RILPL1: variants seen among roughly 807,000 people sequenced by gnomAD.
RILPL1 encodes the protein Rab interacting lysosomal protein like 1.
In RILPL1, 33 loss-of-function variants were observed where a neutral mutation model predicts 50.3. That is an observed-to-expected ratio of 0.66 (90% CI 0.50 to 0.88). The LOEUF is 0.88. Ranked by LOEUF, RILPL1 falls within the 40% of genes least tolerant of loss-of-function variation. The pLI is 0.00. For missense variants in RILPL1, 418 were observed against 542.5 expected (o/e 0.77, Z 2.28); for synonymous variants, 205 against 228.6 (o/e 0.90, Z 0.93).
chr12:123,504,253 G>A (rs1883595662), intron 2 of RILPL1, among the ~76,000 whole-genome samples: 1 of 152,124 alleles, frequency 6.6e-6, no homozygotes, highest in South Asian at 2.1e-4. Flanking sequence ...CTCAGGACAT[G>A]CAGCCAGATC....
chr12:123,502,551 G>A (rs566299812), intron 2 of RILPL1, among the ~76,000 whole-genome samples: 3 of 152,210 alleles, frequency 2.0e-5, no homozygotes, highest in Non-Finnish European at 1.5e-5. Flanking sequence ...CACCGCAGGC[G>A]GGTGAGGCCC....
chr12:123,507,762 A>G (rs192405047), intron 2 of RILPL1, among the ~76,000 whole-genome samples: 1 of 151,392 alleles, frequency 6.6e-6, no homozygotes, highest in Non-Finnish European at 1.5e-5. Context: ...ACCAACATGG[A>G]GAAACCCCAT....
At chr12:123,472,890 G>T in intron 6 of RILPL1, 1 of 556,670 alleles carries the variant, frequency 1.8e-6, no homozygotes, top group East Asian at 3.1e-5. Context: ...GTACCTTGGA[G>T]GTCACGCGGT....
chr12:123,478,175 T>A (rs960033288), intron 6 of RILPL1, among the ~76,000 whole-genome samples: 7 of 151,126 alleles, frequency 4.6e-5, no homozygotes, highest in African/African-American at 1.2e-4. Flanking sequence ...TAAAAAAAAT[T>A]TTTTTCCTCG....
chr12:123,488,134 C>T (rs1882459560), intron 4 of RILPL1, among the ~76,000 whole-genome samples: 2 of 151,974 alleles, frequency 1.3e-5, no homozygotes, highest in South Asian at 4.2e-4. Context: ...GACGTCCTTC[C>T]CAACCTCAAG....
At chr12:123,503,537 T>C (rs183951737) in intron 2 of RILPL1, among the ~76,000 whole-genome samples, 31 of 152,138 alleles carry the variant, frequency 2.0e-4, no homozygotes, top group African/African-American at 7.2e-4. Flanking sequence ...TTCCAGCTTC[T>C]AGTGGCCACC....
rs193230249 is a variant in RILPL1, at chr12:123,484,219, G to C, written c.1028C>G (p.Pro343Arg). The change falls in exon 6 of 7, where the codon CCG becomes CGG. Residue 343 changes from proline to arginine, a missense_variant. Physicochemically the swap from Pro to Arg is moderately radical, Grantham distance 103. Coordinates refer to ENST00000376874, the MANE Select transcript of RILPL1 (RefSeq NM_178314.5). ...CGACTCCGGCTGGGGGGACGTCCTCGGGTGGGCGATGGGTGGGGGTTGGGG... is the reference window on the plus strand; with the variant it reads ...CGACTCCGGCTGGGGGGACGTCCTCCGGTGGGCGATGGGTGGGGGTTGGGG... The part of the protein sequence containing the change: ...RIPQPPPIAH[P>R]RTSPQPESGI... 3 of 1,612,232 alleles carry C rather than the reference G, an allele frequency of 1.9e-6. No homozygotes were observed.
intron 1 of RILPL1, among the ~76,000 whole-genome samples, chr12:123,524,732 G>A (rs1885189188): frequency 1.3e-5 from 2 of 152,226 alleles, no homozygotes; most frequent in Admixed American, 1.3e-4. Context: ...AATCCATAGA[G>A]ATAGGAAGCA....
At chr12:123,476,061 C>T (rs533016390) in intron 6 of RILPL1, 17 of 255,446 alleles carry the variant, frequency 6.7e-5, no homozygotes, top group East Asian at 4.2e-4. Flanking sequence ...TTTGCCACCA[C>T]GCCTGGCTAA....
chr12:123,477,973 C>T (rs1206762156), intron 6 of RILPL1, among the ~76,000 whole-genome samples: 5 of 137,844 alleles, frequency 3.6e-5, no homozygotes, highest in African/African-American at 1.3e-4. Context: ...GACTGAGTTA[C>T]TCCATCTGTA....
rs1240092053 is a variant in RILPL1 at position 123,498,223 on chromosome 12, CTCT to C, written c.801+318_801+320del. On this transcript the variant is annotated intron_variant, in intron 4 of 6. Transcript: ENST00000376874. The surrounding 1 kb of genome is among the most constrained non-coding windows in gnomAD (Gnocchi z 4.3). ...TCTCGTTTTTTCTCTCTCTCTCTCT[CTCT>C]TTTTTTTTTAGACAGGTCTGGCTCT... is the stretch of plus-strand genomic sequence containing the variant. Among the ~76,000 whole-genome samples the C allele has an allele frequency of 6.6e-6, 1 of 151,760 alleles. No homozygotes were observed. The highest frequency in any genetic ancestry group is 1.5e-5 in the Non-Finnish European group (1 of 67,908).
chr12:123,521,844 C>A (rs1310364260), intron 2 of RILPL1, among the ~76,000 whole-genome samples: 1 of 151,482 alleles, frequency 6.6e-6, no homozygotes, highest in African/African-American at 2.4e-5. Flanking sequence ...GCGATCTCAG[C>A]TCACTGCAAC....
In RILPL1 at chr12:123,522,501, C is replaced by A. The variant is rs188636478; in HGVS notation, c.460+994G>T. ...GAGCCTCCAATCTCTTCCCAGCACA[C>A]TTAGAATAAAATCCAAACCTCAGCC... On this transcript the variant is annotated intron_variant, in intron 2 of 6. Coordinates refer to ENST00000376874, the MANE Select transcript of RILPL1 (RefSeq NM_178314.5). The surrounding 1 kb of genome is among the most constrained non-coding windows in gnomAD (Gnocchi z 4.0). Among the ~76,000 whole-genome samples the A allele has an allele frequency of 6.6e-6, 1 of 152,210 alleles. No individual in the cohort carries two copies. Among genetic ancestry groups the A allele is most frequent in the African/African-American group, 2.4e-5 (1 of 41,470 alleles).
rs1885107425 is a variant in RILPL1 at position 123,522,601 on chromosome 12, C to T, written c.460+894G>A. Among the ~76,000 whole-genome samples, 1 of 152,136 alleles carries T rather than the reference C, an allele frequency of 6.6e-6. No individual in the cohort carries two copies. The highest frequency in any genetic ancestry group is 1.5e-5 in the Non-Finnish European group (1 of 68,024). Reference sequence around the variant, plus strand: ...GAGGCCTCAATCATCTTCTGACACACTAGCCTTCTTTATTTTTTTCATCTT... The same window carrying T: ...GAGGCCTCAATCATCTTCTGACACATTAGCCTTCTTTATTTTTTTCATCTT... On this transcript the variant is annotated intron_variant, in intron 2 of 6. Transcript: ENST00000376874. This position sits in a 1 kb window ranked among gnomAD's most constrained non-coding sequence, Gnocchi z 4.0.
chr12:123,480,920 G>A (rs1881941421), intron 6 of RILPL1, among the ~76,000 whole-genome samples: 1 of 152,202 alleles, frequency 6.6e-6, no homozygotes, highest in South Asian at 2.1e-4. Flanking sequence ...AGGGTGAGGA[G>A]TCACAGACCC....
intron 1 of RILPL1, among the ~76,000 whole-genome samples, chr12:123,524,304 G>A (rs537230217): frequency 1.3e-5 from 2 of 152,344 alleles, no homozygotes; most frequent in African/African-American, 4.8e-5. Flanking sequence ...GACAAGGATA[G>A]GAAGAAACTG....
At chr12:123,527,642 GAC>G (rs1885306812) in intron 1 of RILPL1, among the ~76,000 whole-genome samples, 1 of 152,024 alleles carries the variant, frequency 6.6e-6, no homozygotes, top group African/African-American at 2.4e-5. Flanking sequence ...CAGCCTGGGT[GAC>G]AGACTGAAAC....
rs1484039187 is a variant in RILPL1, at chr12:123,480,548, CAG to C, written c.1067+3630_1067+3631del. Among the ~76,000 whole-genome samples the C allele has an allele frequency of 2.0e-5, 3 of 152,056 alleles. No individual in the cohort carries two copies. In the East Asian group the frequency reaches 5.8e-4, roughly 29 times the overall value. ...TGATCTCCCCCTCCCTCAGCCCATG[CAG>C]AGACTATCTGGGCTCATGAAGCTTC... On this transcript the variant is annotated intron_variant, in intron 6 of 6. Coordinates refer to ENST00000376874, the MANE Select transcript of RILPL1 (RefSeq NM_178314.5).
chr12:123,513,195 G>A (rs377405705), intron 2 of RILPL1, among the ~76,000 whole-genome samples: 222 of 151,828 alleles, frequency 1.5e-3, no homozygotes, highest in African/African-American at 4.2e-3. Flanking sequence ...GTGTATGTGT[G>A]TGTCTGTGTG....
Sources: gnomAD v4.1 joint callset for allele counts (sites outside exome capture counted in the v4.1 genomes callset) on GRCh38, gnomAD v4.1.1 for gene constraint, Gnocchi (gnomAD v3.1) non-coding constraint, MANE v1.5 for transcripts, NCBI Gene and HGNC (gene_info 2026-07-23, HGNC 2026-07-21) for gene names.